The following SOD2 variants were observed in gnomAD, a reference collection of about 807,000 sequenced individuals.
The protein encoded by SOD2 is superoxide dismutase [Mn], mitochondrial.
SOD2 carries 11 observed loss-of-function variants against 27.0 expected under a neutral mutation model. That is an observed-to-expected ratio of 0.41 (90% confidence interval 0.26 to 0.67). The LOEUF (loss-of-function observed/expected upper bound fraction) is 0.67, where lower values mean the gene tolerates loss of function less well. SOD2 is among the 30% of genes least tolerant of loss of function. The pLI is 0.34. For missense variants in SOD2, 250 were observed against 274.5 expected (o/e 0.91, Z 0.63); for synonymous variants, 105 against 103.0 (o/e 1.02, Z -0.12).
chr6:159,755,190 C>T (rs543667028), intron 1 of SOD2: 1 of 1,614,196 alleles, frequency 6.2e-7, no homozygotes, highest in African/African-American at 1.3e-5. Context: ...ACTACAGCTT[C>T]TGAACCTGTA....
chr6:159,737,692 A>G (rs369413189), intron 1 of SOD2, among the ~76,000 whole-genome samples: 57 of 151,834 alleles, frequency 3.8e-4, no homozygotes, highest in East Asian at 1.5e-3. Flanking sequence ...GGGTTTTGCC[A>G]TGTTACCCAG....
At chr6:159,755,334 C>T (rs745503209) in intron 1 of SOD2, 25 of 1,614,136 alleles carry the variant, frequency 1.5e-5, no homozygotes, top group Non-Finnish European at 2.0e-5. Flanking sequence ...GACTTTCCTT[C>T]TTCTCCAGGG....
At chr6:159,706,212 A>C (rs1777624249) in intron 1 of SOD2, among the ~76,000 whole-genome samples, 1 of 152,204 alleles carries the variant, frequency 6.6e-6, no homozygotes, top group African/African-American at 2.4e-5. Context: ...GCATCAACTA[A>C]TGAGCAAAAT....
At chr6:159,753,948 T>C (rs559053663) in intron 1 of SOD2, among the ~76,000 whole-genome samples, 78 of 152,320 alleles carry the variant, frequency 5.1e-4, no homozygotes, top group Non-Finnish European at 9.3e-4. Flanking sequence ...AGAATAAGCA[T>C]TTCTCGTTAA....
chr6:159,711,934 C>A (rs1777789832), intron 1 of SOD2, among the ~76,000 whole-genome samples: 1 of 128,366 alleles, frequency 7.8e-6, no homozygotes, highest in South Asian at 2.7e-4. Context: ...CCTCCACAAC[C>A]ACCACTCACA....
exon 1 of SOD2, chr6:159,761,541 C>G (rs1780125258): frequency 6.6e-6 from 3 of 456,458 alleles, no homozygotes; most frequent in Non-Finnish European, 1.3e-5. Flanking sequence ...CCTCCCGAAG[C>G]CGCCGAGAGC....
Position 159,712,476 on chromosome 6 carries a change from C to G in SOD2, c.-116+14653G>C, listed in dbSNP as rs28579025. Among the ~76,000 whole-genome samples the G allele has an allele frequency of 1.2e-3, 71 of 61,520 alleles. 3 individuals are homozygous for G. Among genetic ancestry groups the G allele is most frequent in the East Asian group, 1.2e-3 (3 of 2,406 alleles). 40.4% of individuals were successfully genotyped at this position (61,520 alleles called of 152,430 possible). On this transcript the variant is annotated intron_variant, in intron 1 of 2. Coordinates refer to the SOD2 transcript ENST00000401980. ...AGACCTCCATAACCACCTCCATAAC[C>G]ACCACTCAGCTGCTCTGACCTCCAT...
rs1774184470 is a variant in SOD2 at position 159,669,591 on chromosome 6, G to C, written c.*12902C>G. ...GAGGCCAAAGCAGGAGGACTGCTTT[G>C]AGACCCAGAGTTTGAGACTAGCCAG... On this transcript the variant is annotated 3_prime_UTR_variant, in exon 5 of 5. Transcript: ENST00000538183. The C allele has an allele frequency of 6.6e-6, 1 of 152,094 alleles. No homozygotes were observed. Among genetic ancestry groups the C allele is most frequent in the South Asian group, 2.1e-4 (1 of 4,822 alleles). The allele number at this position is 152,094 out of a possible 1,614,324, so 9.4% of individuals were successfully genotyped here.
chr6:159,706,865 G>T (rs1334900014), intron 1 of SOD2, among the ~76,000 whole-genome samples: 42 of 152,126 alleles, frequency 2.8e-4, no homozygotes, highest in Non-Finnish European at 1.3e-4. Context: ...CACATAGTTG[G>T]AAGTAAAGCA....
At chr6:159,712,652 AATG>A in intron 1 of SOD2, 1 of 323,850 alleles carries the variant, frequency 3.1e-6, no homozygotes, top group Non-Finnish European at 6.1e-6. Context: ...CACCACTCAC[AATG>A]CTCTGATCAC....
rs138325036 is a variant in SOD2, at chr6:159,732,772, C to T, written c.-116+12358G>A. On this transcript the variant is annotated intron_variant, in intron 1 of 3. Transcript: ENST00000537657. ...CCAGGCGGTGGAGGTTGCAGTGAGC[C>T]GAGATCGCGCCATTGCACTCCAGCC... Among the ~76,000 whole-genome samples, 310 of 151,978 alleles carry T rather than the reference C, an allele frequency of 2.0e-3. 1 individual carries two copies. The highest frequency in any genetic ancestry group is 7.1e-3 in the African/African-American group (293 of 41,414).
rs1779753316 is a variant in SOD2, at chr6:159,675,311, C to G, written c.*7182G>C. ...CCAAAACGATCCTAAGCCAAAAGAA[C>G]AAAGCTGGAGGCATCACGCTACCTG... On this transcript the variant is annotated 3_prime_UTR_variant, in exon 5 of 5. Transcript: ENST00000538183. 6.6e-6 allele frequency: 1 copy of G among 152,140 alleles called. No homozygotes were observed. Among genetic ancestry groups the G allele is most frequent in the African/African-American group, 2.4e-5 (1 of 41,428 alleles). The allele number at this position is 152,140 out of a possible 1,614,324, so 9.4% of individuals were successfully genotyped here.
intron 1 of SOD2, chr6:159,736,430 T>G (rs1378277320): frequency 1.4e-6 from 1 of 712,098 alleles, no homozygotes; most frequent in Non-Finnish European, 2.4e-6. Context: ...TTTATAACAA[T>G]AATAGCATTG....
chr6:159,702,898 A>G (rs940589790), intron 1 of SOD2, among the ~76,000 whole-genome samples: 12 of 144,808 alleles, frequency 8.3e-5, no homozygotes. Flanking sequence ...GTATTTGCCT[A>G]TAGTCCCAGC....
At chr6:159,699,082 T>C (rs751997208) in intron 1 of SOD2, among the ~76,000 whole-genome samples, 24 of 152,062 alleles carry the variant, frequency 1.6e-4, no homozygotes, top group Non-Finnish European at 2.8e-4. Context: ...CTCTCCCACA[T>C]TTTTCACACC....
At chr6:159,714,237 C>T (rs930841246) in intron 1 of SOD2, among the ~76,000 whole-genome samples, 18 of 152,286 alleles carry the variant, frequency 1.2e-4, no homozygotes, top group Admixed American at 3.9e-4. Flanking sequence ...CCCTAGACGT[C>T]GGGTTGTGAG....
At chr6:159,726,661 C>T (rs1022150272) in intron 1 of SOD2, 1 of 727,760 alleles carries the variant, frequency 1.4e-6, no homozygotes, top group Non-Finnish European at 2.0e-6. Context: ...CTCACAGGGC[C>T]GCCTTCCCCG....
intron 1 of SOD2, among the ~76,000 whole-genome samples, chr6:159,716,085 A>G (rs1777917683): frequency 1.3e-5 from 2 of 152,210 alleles, no homozygotes; most frequent in East Asian, 3.9e-4. Flanking sequence ...ACAATAAAGC[A>G]AAGTGTCACA....
chr6:159,745,696 A>G (rs540423192), upstream of SOD2, among the ~76,000 whole-genome samples: 15 of 152,188 alleles, frequency 9.9e-5, no homozygotes, highest in Non-Finnish European at 1.8e-4. Context: ...GATGTATGTG[A>G]TGGATCAGAT....
Sources: allele counts gnomAD v4.1 joint callset (sites outside exome capture counted in the v4.1 genomes callset), GRCh38; gene constraint gnomAD v4.1.1; transcripts MANE v1.5; gene names NCBI Gene and HGNC (gene_info 2026-07-23, HGNC 2026-07-21).